RHOBTB3: variants seen among roughly 807,000 people sequenced by gnomAD.
RHOBTB3 encodes the protein Rho related BTB domain containing 3, also known as rho-related BTB domain-containing protein 3.
RHOBTB3 carries 47 observed loss-of-function variants against 67.2 expected under a neutral mutation model. The observed-to-expected ratio is 0.70, with a 90% confidence interval of 0.55 to 0.89. RHOBTB3 has a LOEUF of 0.89. Among genes scored for constraint, RHOBTB3 ranks in the 40% least tolerant of loss-of-function variants. The probability of loss-of-function intolerance (pLI) is 0.00; values close to 1 mark genes in which losing one functional copy is unlikely to be tolerated. For missense variants in RHOBTB3, 631 were observed against 750.0 expected (o/e 0.84, Z 1.85); for synonymous variants, 273 against 274.2 (o/e 1.00, Z 0.04).
At chr5:95,740,593 G>A (rs547205559) in intron 3 of RHOBTB3, among the ~76,000 whole-genome samples, 3 of 152,292 alleles carry the variant, frequency 2.0e-5, no homozygotes, top group African/African-American at 4.8e-5. Flanking sequence ...TCTTCCTGGG[G>A]CTTGGAAAGG....
At chr5:95,792,014 T>G (rs1490014669) in intron 11 of RHOBTB3, among the ~76,000 whole-genome samples, 1 of 152,092 alleles carries the variant, frequency 6.6e-6, no homozygotes, top group Admixed American at 6.5e-5. Context: ...CAGTTGTGCT[T>G]CACCAAACCT....
chr5:95,746,966 A>G (rs574966423), intron 3 of RHOBTB3, among the ~76,000 whole-genome samples: 21 of 152,306 alleles, frequency 1.4e-4, no homozygotes, highest in Admixed American at 5.9e-4. Context: ...TCTGTATGCA[A>G]TTCATTCACA....
upstream of RHOBTB3, among the ~76,000 whole-genome samples, chr5:95,730,370 T>C (rs1755185675): frequency 6.6e-6 from 1 of 152,196 alleles, no homozygotes; most frequent in Non-Finnish European, 1.5e-5. Context: ...TTTAATACTG[T>C]ATGGAGGAGT....
chr5:95,787,450 CT>C (rs112941049), intron 10 of RHOBTB3, among the ~76,000 whole-genome samples: 6,888 of 100,586 alleles, frequency 0.068, 233 homozygotes, highest in African/African-American at 0.18. Flanking sequence ...CACTATACAG[CT>C]TTAAAAAAAA....
chr5:95,756,157 C>CGG, intron 6 of RHOBTB3: 1 of 161,262 alleles, frequency 6.2e-6, no homozygotes, highest in Non-Finnish European at 1.4e-5. Flanking sequence ...AACGATGATT[C>CGG]CCCATTCCGA....
intron 8 of RHOBTB3, chr5:95,770,510 TTA>T (rs949501998): frequency 9.0e-6 from 3 of 334,418 alleles, no homozygotes; most frequent in African/African-American, 6.4e-5. Context: ...CAGAAGTTGG[TTA>T]TGAGCTATGG....
rs776685791 is a variant in RHOBTB3, at chr5:95,731,820, C to T, written c.3-39C>T. 5.6e-6 allele frequency: 9 copies of T among 1,602,010 alleles called. No homozygotes were observed. The Admixed American group carries it at 6.7e-5, about 12-fold the overall frequency. On this transcript the variant is annotated intron_variant, in intron 1 of 11. Coordinates refer to ENST00000379982, the MANE Select transcript of RHOBTB3 (RefSeq NM_014899.4). ...TCCGAGGAGAGACCCGCGCGCTGAC[C>T]GTGCTTCCCTTCTCCCCTCGCCCCC...
chr5:95,791,713 CT>C (rs1222874409), intron 11 of RHOBTB3, among the ~76,000 whole-genome samples: 220 of 144,544 alleles, frequency 1.5e-3, no homozygotes, highest in Admixed American at 1.6e-3. Context: ...CTTTTCTTTT[CT>C]TTTTTTTTTT....
intron 8 of RHOBTB3, among the ~76,000 whole-genome samples, chr5:95,774,018 A>AT (rs977935191): frequency 6.6e-6 from 1 of 152,192 alleles, no homozygotes; most frequent in African/African-American, 2.4e-5. Context: ...AGAAACTTTA[A>AT]TTTTTTCTGA....
At chr5:95,746,839 A>G (rs1436037369) in intron 3 of RHOBTB3, among the ~76,000 whole-genome samples, 1 of 152,212 alleles carries the variant, frequency 6.6e-6, no homozygotes. Flanking sequence ...CAGTGAAGCT[A>G]AAATTATCTA....
At chr5:95,760,307 T>C (rs565595405) in intron 6 of RHOBTB3, among the ~76,000 whole-genome samples, 1 of 152,354 alleles carries the variant, frequency 6.6e-6, no homozygotes, top group South Asian at 2.1e-4. Context: ...GGAGTAATTC[T>C]TACATGGCAT....
At chr5:95,752,400 T>A in intron 5 of RHOBTB3, 50 bp downstream of exon 5, 2 of 1,198,946 alleles carry the variant, frequency 1.7e-6, no homozygotes, top group Non-Finnish European at 2.4e-6. Context: ...TCATTACAGA[T>A]CCTTTCTCAC....
chr5:95,747,023 C>G (rs1173734526), intron 3 of RHOBTB3, among the ~76,000 whole-genome samples: 1 of 152,194 alleles, frequency 6.6e-6, no homozygotes. Flanking sequence ...AATGTCCTTT[C>G]AGGGCCAGTG....
chr5:95,735,111 G>A (rs185312), intron 2 of RHOBTB3, among the ~76,000 whole-genome samples: 61,473 of 151,910 alleles, frequency 0.4, 13,057 homozygotes, highest in East Asian at 0.71. Flanking sequence ...GGAACTGAAT[G>A]AGCTGTGTGG....
rs143464775 is a variant in RHOBTB3, at chr5:95,767,104, G to A, written c.1162-942G>A. ...TGCATGCCTGTAGTCCCAGCTTCTC[G>A]GGAGGCTGAGGCACGAGAAGCACTT... On this transcript the variant is annotated intron_variant, in intron 7 of 11. Transcript: ENST00000379982. Among the ~76,000 whole-genome samples the A allele has an allele frequency of 4.9e-4, 74 of 152,108 alleles. 2 individuals carry two copies. The East Asian group carries it at 0.014, about 28-fold the overall frequency.
At chr5:95,760,797 C>T (rs969590756) in intron 6 of RHOBTB3, among the ~76,000 whole-genome samples, 3 of 152,062 alleles carry the variant, frequency 2.0e-5, no homozygotes, top group East Asian at 3.8e-4. Context: ...TTAATGATAT[C>T]GCATTATATA....
chr5:95,742,726 T>G (rs182632246), intron 3 of RHOBTB3, among the ~76,000 whole-genome samples: 3 of 152,256 alleles, frequency 2.0e-5, no homozygotes, highest in African/African-American at 7.2e-5. Flanking sequence ...AGATCTCTAA[T>G]GGCTGTTTTC....
chr5:95,719,415 G>C (rs906267073), intron 1 of RHOBTB3, among the ~76,000 whole-genome samples: 1 of 152,184 alleles, frequency 6.6e-6, no homozygotes, highest in Non-Finnish European at 1.5e-5. Context: ...GGTAAACCTA[G>C]ATGGCCAAGA....
Position 95,755,658 on chromosome 5 carries a change from A to G in RHOBTB3, c.945A>G (p.Pro315=). 2 of 1,614,192 alleles carry G rather than the reference A, an allele frequency of 1.2e-6. No individual in the cohort carries two copies. Among genetic ancestry groups the G allele is most frequent in the Non-Finnish European group, 1.7e-6 (2 of 1,180,022 alleles). The part of the protein sequence containing the change: ...LFAINRDTAF[P]GASHESSGNP... The stretch of plus-strand genomic sequence containing the variant: ...CTATAAACAGAGATACTGCATTTCC[A>G]GGTGCTAGCCATGAATCTTCAGGCA... The change falls in exon 6 of 12, where the codon CCA becomes CCG. Residue 315 remains proline (P), a synonymous_variant. Coordinates refer to ENST00000379982, the MANE Select transcript of RHOBTB3 (RefSeq NM_014899.4).
Sources: gnomAD v4.1 joint callset for allele counts (sites outside exome capture counted in the v4.1 genomes callset) on GRCh38, gnomAD v4.1.1 for gene constraint, MANE v1.5 for transcripts, NCBI Gene and HGNC (gene_info 2026-07-23, HGNC 2026-07-21) for gene names.